Variants in STK32B observed in about 807,000 individuals in gnomAD.
The protein encoded by STK32B is serine/threonine kinase 32B.
In STK32B, 43 loss-of-function variants were observed where a neutral mutation model predicts 52.6. The observed-to-expected ratio is 0.82, with a 90% confidence interval of 0.64 to 1.05. STK32B has a LOEUF of 1.05. Ranked by LOEUF, STK32B falls within the 50% of genes least tolerant of loss-of-function variation. The pLI is 0.00. For synonymous variants in STK32B, 238 were observed against 204.3 expected, an observed-to-expected ratio of 1.17 and a Z score of -1.41; for missense variants, 621 against 534.6, an observed-to-expected ratio of 1.16 and a Z score of -1.59.
chr4:5,496,141 T>C (rs1200964217), intron 11 of STK32B, among the ~76,000 whole-genome samples: 1 of 152,264 alleles, frequency 6.6e-6, no homozygotes, highest in Middle Eastern at 3.2e-3. Context: ...CTGCAGAGGT[T>C]ACTGCTGTCT....
At chr4:5,189,899 C>CT (rs769793653) in intron 3 of STK32B, among the ~76,000 whole-genome samples, 3 of 152,142 alleles carry the variant, frequency 2.0e-5, no homozygotes, top group Non-Finnish European at 4.4e-5. Flanking sequence ...TGCATGTCCT[C>CT]TGCATTTTTA....
At chr4:5,105,594 C>T (rs911130285) in intron 1 of STK32B, among the ~76,000 whole-genome samples, 1 of 151,890 alleles carries the variant, frequency 6.6e-6, no homozygotes, top group African/African-American at 2.4e-5. Flanking sequence ...GACGGAGTAT[C>T]GCACTCTCAC....
intron 4 of STK32B, among the ~76,000 whole-genome samples, chr4:5,377,155 T>C (rs1735639892): frequency 6.6e-6 from 1 of 152,194 alleles, no homozygotes; most frequent in Admixed American, 6.5e-5. Flanking sequence ...CATTGGACTT[T>C]TATATGGTAT....
intron 1 of STK32B, among the ~76,000 whole-genome samples, chr4:5,127,624 A>G (rs1577086607): frequency 1.8e-5 from 2 of 111,172 alleles, no homozygotes; most frequent in South Asian, 2.7e-4. Context: ...TGGATTTAGA[A>G]TGGCCTTATA....
Position 5,398,251 on chromosome 4 carries a change from C to T in STK32B, c.472+7C>T. On this transcript the variant is annotated splice_region_variant and intron_variant, in intron 5 of 11. Transcript: ENST00000282908. This position sits in a 1 kb window ranked among gnomAD's most constrained non-coding sequence, Gnocchi z 4.9. Reference sequence around the variant, plus strand: ...ATCCTGCTGGATGAACACGGTAAGCCTGCTACTAATCCTTTACAGGGACTC... The same window carrying T: ...ATCCTGCTGGATGAACACGGTAAGCTTGCTACTAATCCTTTACAGGGACTC... 1 of 1,614,060 alleles carries T rather than the reference C, an allele frequency of 6.2e-7. No homozygotes were observed. Among genetic ancestry groups the T allele is most frequent in the Non-Finnish European group, 8.5e-7 (1 of 1,180,006 alleles).
rs1553876828 is a variant in STK32B at position 5,352,617 on chromosome 4, T to TTA, written c.434+21224_434+21225insTA. ...AAAGCAATCAGAAAAGAGAAAGAAA[T>TTA]AAAAAAAAAAAAAACGTCCAAACTA... On this transcript the variant is annotated intron_variant, in intron 4 of 11. Coordinates refer to ENST00000282908, the MANE Select transcript of STK32B (RefSeq NM_018401.3). 4.8e-4 allele frequency among the ~76,000 whole-genome samples: 41 copies of TTA among 86,000 alleles called. 1 individual carries two copies. The South Asian group carries it at 5.0e-3, about 10-fold the overall frequency. The allele number at this position is 86,000 out of a possible 152,430, so 56.4% of individuals were successfully genotyped here.
chr4:5,470,985 C>G lies in STK32B; in HGVS notation c.1106+2915C>G, dbSNP rs16837334. Among the ~76,000 whole-genome samples the G allele has an allele frequency of 0.016, 2,397 of 152,352 alleles. 58 individuals are homozygous for G. Among genetic ancestry groups the G allele is most frequent in the African/African-American group, 0.053 (2,189 of 41,588 alleles). On this transcript the variant is annotated intron_variant, in intron 11 of 11. Coordinates refer to ENST00000282908, the MANE Select transcript of STK32B (RefSeq NM_018401.3). This position sits in a 1 kb window ranked among gnomAD's most constrained non-coding sequence, Gnocchi z 4.6. ...ACCACGTCCCCGGTCCCCAGCAGTT[C>G]CGCCTCCTTTCAATCTCTGCAGACC... is the stretch of plus-strand genomic sequence containing the variant.
At chr4:5,048,923 A>C (rs961270762), upstream of STK32B, among the ~76,000 whole-genome samples, 2 of 152,200 alleles carry the variant, frequency 1.3e-5, no homozygotes, top group African/African-American at 4.8e-5. Flanking sequence ...GGGAGCAGAG[A>C]AGTGAAGGGG....
chr4:5,343,435 G>C (rs1733235038), intron 4 of STK32B, among the ~76,000 whole-genome samples: 1 of 152,108 alleles, frequency 6.6e-6, no homozygotes, highest in Admixed American at 6.5e-5. Flanking sequence ...CTTTATAGTA[G>C]CATGATTTAT....
intron 7 of STK32B, among the ~76,000 whole-genome samples, chr4:5,455,956 G>T (rs181387755): frequency 6.6e-6 from 1 of 152,244 alleles, no homozygotes; most frequent in African/African-American, 2.4e-5. Flanking sequence ...TGTTGTTTTT[G>T]TCATCCCAAG....
chr4:5,323,469 G>A (rs1731658536), intron 3 of STK32B, among the ~76,000 whole-genome samples: 2 of 152,154 alleles, frequency 1.3e-5, no homozygotes, highest in African/African-American at 4.8e-5. Context: ...GGAGGGAGAC[G>A]GCTATGGGGA....
intron 5 of STK32B, among the ~76,000 whole-genome samples, chr4:5,411,890 T>C (rs1711720132): frequency 6.6e-6 from 1 of 152,184 alleles, no homozygotes; most frequent in African/African-American, 2.4e-5. Context: ...GACATAGAGA[T>C]ACCACTCTCT....
At chr4:5,427,547 G>A (rs1395716209) in intron 6 of STK32B, among the ~76,000 whole-genome samples, 3 of 152,072 alleles carry the variant, frequency 2.0e-5, no homozygotes, top group Non-Finnish European at 4.4e-5. Flanking sequence ...TTTTCACTGT[G>A]GATTCAATTT....
intron 4 of STK32B, among the ~76,000 whole-genome samples, chr4:5,362,716 A>G (rs1734627081): frequency 6.6e-6 from 1 of 152,296 alleles, no homozygotes; most frequent in African/African-American, 2.4e-5. Flanking sequence ...CATTTCTTCC[A>G]GAGGCATACC....
chr4:5,300,813 T>C (rs375121836), intron 3 of STK32B, among the ~76,000 whole-genome samples: 56 of 152,232 alleles, frequency 3.7e-4, no homozygotes, highest in African/African-American at 1.3e-3. Flanking sequence ...GGAAAAACAT[T>C]ACATGCTCAT....
intron 5 of STK32B, among the ~76,000 whole-genome samples, chr4:5,414,361 GTAA>G (rs199734032): frequency 0.56 from 85,344 of 151,334 alleles, 25,345 homozygotes; most frequent in Middle Eastern, 0.73. Flanking sequence ...GGAACACCTT[GTAA>G]TCAAATACAT....
intron 5 of STK32B, among the ~76,000 whole-genome samples, chr4:5,414,269 A>G (rs1711961966): frequency 6.6e-6 from 1 of 151,580 alleles, no homozygotes; most frequent in African/African-American, 2.4e-5. Context: ...ATAATAATAT[A>G]AAATAACGTG....
intron 3 of STK32B, among the ~76,000 whole-genome samples, chr4:5,184,394 A>G (rs1252397677): frequency 6.6e-6 from 1 of 152,192 alleles, no homozygotes; most frequent in Non-Finnish European, 1.5e-5. Context: ...GGTGCAGCTC[A>G]TGATGCCCCA....
chr4:5,360,569 G>A (rs748341179), intron 4 of STK32B, among the ~76,000 whole-genome samples: 3 of 152,142 alleles, frequency 2.0e-5, no homozygotes, highest in East Asian at 1.9e-4. Flanking sequence ...CATTACTGAT[G>A]CAAGAGGTAC....
Sources: allele counts gnomAD v4.1 joint callset (sites outside exome capture counted in the v4.1 genomes callset), GRCh38; gene constraint gnomAD v4.1.1; non-coding constraint Gnocchi (gnomAD v3.1); transcripts MANE v1.5; gene names NCBI Gene and HGNC (gene_info 2026-07-23, HGNC 2026-07-21).